Variants in TBC1D9 observed in about 807,000 individuals in gnomAD.
TBC1D9 encodes TBC1 domain family member 9A.
Under a neutral mutation model 132.0 loss-of-function variants are expected in TBC1D9, and 63 were observed. The ratio of observed to expected loss-of-function variants is 0.48; its 90% CI spans 0.39 to 0.59. The LOEUF (loss-of-function observed/expected upper bound fraction) is 0.59. TBC1D9 is among the 20% of genes least tolerant of loss of function. The probability of loss-of-function intolerance (pLI) is 0.00; values close to 1 mark genes in which losing one functional copy is unlikely to be tolerated. For missense variants in TBC1D9, 1,261 were observed against 1,592.7 expected (o/e 0.79, Z 3.54); for synonymous variants, 610 against 609.9 (o/e 1.00, Z 0.00).
chr4:140,661,750 C>A lies in TBC1D9; in HGVS notation c.1803+143G>T, dbSNP rs535404200. The A allele has an allele frequency of 1.2e-5, 8 of 679,628 alleles. No homozygotes were observed. The South Asian group carries it at 1.5e-4, about 12-fold the overall frequency. The allele number at this position is 679,628 out of a possible 1,614,324, so 42.1% of individuals were successfully genotyped here. A position where few individuals can be genotyped will look rare whatever the true frequency, so the allele number is the denominator to read the frequency against. ...GCCCATACAACAAAGAGTTAACAGT[C>A]CAGAGTGTCAACAGTGCCAAGGTTG... On this transcript the variant is annotated intron_variant, in intron 10 of 20. Coordinates refer to ENST00000442267, the MANE Select transcript of TBC1D9 (RefSeq NM_015130.3).
intron 1 of TBC1D9, among the ~76,000 whole-genome samples, chr4:140,754,613 T>C (rs1448611207): frequency 5.2e-5 from 1 of 19,102 alleles, no homozygotes; most frequent in Non-Finnish European, 8.4e-5. Flanking sequence ...GGACTCTGTC[T>C]CAAAAAAAAA....
chr4:140,751,250 C>T (rs1229891237), intron 1 of TBC1D9, among the ~76,000 whole-genome samples: 4 of 152,064 alleles, frequency 2.6e-5, no homozygotes, highest in African/African-American at 9.7e-5. Flanking sequence ...AAACAAAAGA[C>T]ATAGACTAGA....
intron 13 of TBC1D9, chr4:140,645,250 C>T: frequency 1.9e-6 from 1 of 530,648 alleles, no homozygotes; most frequent in Admixed American, 1.9e-5. Context: ...CCACACAGTC[C>T]TCATCTGCTT....
At chr4:140,627,182 G>T (rs1443581278) in intron 18 of TBC1D9, among the ~76,000 whole-genome samples, 1 of 152,176 alleles carries the variant, frequency 6.6e-6, no homozygotes, top group Non-Finnish European at 1.5e-5. Flanking sequence ...GGCAGAAAGA[G>T]GGCAGCAAAG....
At chr4:140,741,021 C>A (rs748429305) in intron 1 of TBC1D9, among the ~76,000 whole-genome samples, 4 of 152,142 alleles carry the variant, frequency 2.6e-5, no homozygotes, top group Non-Finnish European at 5.9e-5. Flanking sequence ...AACTGAAAAA[C>A]TAGTTCAGGC....
intron 9 of TBC1D9, among the ~76,000 whole-genome samples, chr4:140,665,237 G>A (rs1737425636): frequency 6.6e-6 from 1 of 151,878 alleles, no homozygotes; most frequent in African/African-American, 2.4e-5. Flanking sequence ...GGAAAAAATA[G>A]ACAAATTGTA....
rs530694021 is a variant in TBC1D9 at position 140,642,837 on chromosome 4, C to T, written c.2338-3409G>A. The T allele has an allele frequency of 3.9e-4, 228 of 590,968 alleles. 1 individual carries two copies. The highest frequency in any genetic ancestry group is 3.2e-3 in the East Asian group (113 of 35,230). 36.6% of individuals were successfully genotyped at this position (590,968 alleles called of 1,614,324 possible). A position where few individuals can be genotyped will look rare whatever the true frequency, so the allele number is the denominator to read the frequency against. On this transcript the variant is annotated intron_variant, in intron 13 of 20. Coordinates refer to ENST00000442267, the MANE Select transcript of TBC1D9 (RefSeq NM_015130.3). ...CCCCTCTTGCGGGCGGGCGACAGGGCTCTCGGGGGCGTGGGTCTGTTTCCA... is the reference window on the plus strand; with the variant it reads ...CCCCTCTTGCGGGCGGGCGACAGGGTTCTCGGGGGCGTGGGTCTGTTTCCA...
chr4:140,679,926 G>T, intron 3 of TBC1D9, 83 bp from the exon 4 acceptor site: 1 of 1,238,942 alleles, frequency 8.1e-7, no homozygotes, highest in Non-Finnish European at 1.1e-6. Context: ...AAATTTCTAA[G>T]GCTAGAATTA....
At chr4:140,684,715 G>T (rs985366373) in intron 3 of TBC1D9, among the ~76,000 whole-genome samples, 2 of 150,972 alleles carry the variant, frequency 1.3e-5, no homozygotes, top group Non-Finnish European at 3.0e-5. Flanking sequence ...ATGGCTCATT[G>T]CAGTCTTGAC....
At chr4:140,690,958 C>A (rs1405566906) in intron 2 of TBC1D9, among the ~76,000 whole-genome samples, 2 of 152,284 alleles carry the variant, frequency 1.3e-5, no homozygotes, top group African/African-American at 2.4e-5. Context: ...TATCTAGACC[C>A]AACAGATACT....
rs777782215 is a variant in TBC1D9 at position 140,624,308 on chromosome 4, C to A, written c.2974+6G>T. The A allele has an allele frequency of 6.2e-7, 1 of 1,613,452 alleles. No individual in the cohort carries two copies. The highest frequency in any genetic ancestry group is 8.5e-7 in the Non-Finnish European group (1 of 1,179,636). ...AAGGTAAACATATAGAAGAGAATAT[C>A]CTTACCTTTGTCTGGCTTTAGGCTC... On this transcript the variant is annotated splice_donor_region_variant and intron_variant, in intron 19 of 20. Coordinates refer to ENST00000442267, the MANE Select transcript of TBC1D9 (RefSeq NM_015130.3).
At chr4:140,648,516 G>C (rs780652908) in intron 13 of TBC1D9, among the ~76,000 whole-genome samples, 1 of 151,364 alleles carries the variant, frequency 6.6e-6, no homozygotes, top group African/African-American at 2.4e-5. Context: ...CTCCCAAGTA[G>C]CTGGGACTAC....
At chr4:140,697,935 C>T (rs980381203) in intron 2 of TBC1D9, among the ~76,000 whole-genome samples, 13 of 152,252 alleles carry the variant, frequency 8.5e-5, no homozygotes, top group Admixed American at 8.5e-4. Flanking sequence ...GACCTGCTGC[C>T]TGCAAAGGAT....
At chr4:140,625,970 T>A (rs1736701960) in intron 18 of TBC1D9, among the ~76,000 whole-genome samples, 2 of 152,212 alleles carry the variant, frequency 1.3e-5, no homozygotes, top group Admixed American at 1.3e-4. Context: ...AGCAATAGCA[T>A]CTTTGGCACT....
chr4:140,641,056 C>A (rs1578818987), intron 13 of TBC1D9, among the ~76,000 whole-genome samples: 3 of 48,284 alleles, frequency 6.2e-5, no homozygotes, highest in East Asian at 5.7e-4. Context: ...ATAAAAAGAA[C>A]AATATATTTA....
chr4:140,712,451 T>TATATATATATATATATATATAA (rs1348929371), intron 1 of TBC1D9, among the ~76,000 whole-genome samples: 4 of 142,238 alleles, frequency 2.8e-5, no homozygotes, highest in African/African-American at 1.1e-4. Context: ...AAAAAAAGAA[T>TATATATATATATATATATATAA]ATATATATAT....
At chr4:140,663,815 G>T (rs532537338) in intron 9 of TBC1D9, among the ~76,000 whole-genome samples, 1 of 152,132 alleles carries the variant, frequency 6.6e-6, no homozygotes, top group East Asian at 1.9e-4. Context: ...CATGTTCTCA[G>T]TTGTATGTGG....
intron 13 of TBC1D9, chr4:140,641,803 G>T: frequency 3.5e-6 from 1 of 286,468 alleles, no homozygotes; most frequent in Non-Finnish European, 6.7e-6. Context: ...AGGCTACACT[G>T]CCAAGAACCC....
chr4:140,640,447 T>TGGGGGGGGGGGGGGG (rs55770281), intron 13 of TBC1D9, among the ~76,000 whole-genome samples: 14 of 107,992 alleles, frequency 1.3e-4, no homozygotes, highest in African/African-American at 2.0e-4. Context: ...GGTGGTGGGG[T>TGGGGGGGGGGGGGGG]GGGGGGGGGA....
Sources: gnomAD v4.1 joint callset for allele counts (sites outside exome capture counted in the v4.1 genomes callset) on GRCh38, gnomAD v4.1.1 for gene constraint, MANE v1.5 for transcripts, NCBI Gene and HGNC (gene_info 2026-07-23, HGNC 2026-07-21) for gene names.